Variants in KMT2A observed in about 807,000 individuals in gnomAD.
KMT2A encodes the protein histone-lysine N-methyltransferase 2A.
In KMT2A, 16 loss-of-function variants were observed where a neutral mutation model predicts 345.3. The ratio of observed to expected loss-of-function variants is 0.05; its 90% CI spans 0.03 to 0.07. KMT2A has a LOEUF of 0.07. KMT2A is among the 10% of genes least tolerant of loss of function. The pLI, the probability that KMT2A is intolerant of heterozygous loss-of-function variation, is 1.00. For missense variants in KMT2A, 3,272 were observed against 4,841.6 expected (o/e 0.68, Z 9.62); for synonymous variants, 1,599 against 1,778.6 (o/e 0.90, Z 2.54).
intron 8 of KMT2A, among the ~76,000 whole-genome samples, chr11:118,483,013 A>G (rs1045664517): frequency 2.0e-5 from 3 of 151,464 alleles, no homozygotes; most frequent in African/African-American, 4.9e-5. Flanking sequence ...CAGGCAGATC[A>G]CTTGAGGTCA....
Position 118,491,807 on chromosome 11 carries a change from C to G in KMT2A, c.4883C>G (p.Thr1628Ser), listed in dbSNP as rs782758324. ...GTGGCCTACACTTGTGTGAACTGTACTGAGCGGCACCCTGCAGAGTGGCGA... is the reference window on the plus strand; with the variant it reads ...GTGGCCTACACTTGTGTGAACTGTAGTGAGCGGCACCCTGCAGAGTGGCGA... Reference protein sequence around the residue: ...ESVAYTCVNCTERHPAEWRLA... With the variant: ...ESVAYTCVNCSERHPAEWRLA... The change falls in exon 15 of 36, where the codon ACT (threonine) becomes AGT (serine). Residue 1628 changes from threonine to serine, a missense_variant. Thr to Ser is a moderately conservative substitution (Grantham distance 58). Coordinates refer to ENST00000534358, the MANE Select transcript of KMT2A (RefSeq NM_001197104.2). This position sits in a 1 kb window ranked among gnomAD's most constrained non-coding sequence, Gnocchi z 4.2. 6.2e-7 allele frequency: 1 copy of G among 1,614,094 alleles called. No homozygotes were observed. Among genetic ancestry groups the G allele is most frequent in the South Asian group, 1.1e-5 (1 of 91,084 alleles).
Position 118,503,764 on chromosome 11 carries a change from C to T in KMT2A, c.7872C>T (p.Ala2624=), listed in dbSNP as rs113178411. Residue 2624 remains alanine, a synonymous_variant, in exon 27 of 36, where the codon GCC becomes GCT. Transcript: ENST00000534358. This position sits in a 1 kb window ranked among gnomAD's most constrained non-coding sequence, Gnocchi z 5.3. The part of the protein sequence containing the change: ...SFKRRYPRRS[A]RARSNMFFGL... ...AAAGGAGGTATCCCCGTCGCAGTGC[C>T]CGTGCACGTTCTAACATGTTTTTTG... is the stretch of plus-strand genomic sequence containing the variant. The T allele has an allele frequency of 4.3e-5, 69 of 1,614,168 alleles. No homozygotes were observed. Among genetic ancestry groups the T allele is most frequent in the Non-Finnish European group, 5.7e-5 (67 of 1,180,044 alleles).
intron 31 of KMT2A, among the ~76,000 whole-genome samples, chr11:118,518,119 C>A (rs1950863710): frequency 6.6e-6 from 1 of 152,138 alleles, no homozygotes; most frequent in South Asian, 2.1e-4. Flanking sequence ...AAAATTAACA[C>A]CATTACTGTT....
At chr11:118,462,109 A>G (rs1366049136) in intron 1 of KMT2A, among the ~76,000 whole-genome samples, 1 of 152,038 alleles carries the variant, frequency 6.6e-6, no homozygotes, top group African/African-American at 2.4e-5. Context: ...GCGTGCCACC[A>G]TAACTGGATA....
chr11:118,517,971 A>C (rs1354481557), intron 31 of KMT2A, among the ~76,000 whole-genome samples: 1 of 152,134 alleles, frequency 6.6e-6, no homozygotes, highest in Non-Finnish European at 1.5e-5. Context: ...TTCATCTGCT[A>C]TTTCCTCTGC....
intron 6 of KMT2A, 48 bp downstream of exon 6, chr11:118,480,286 G>A (rs1401245899): frequency 7.0e-7 from 1 of 1,428,904 alleles, no homozygotes; most frequent in Admixed American, 1.7e-5. Flanking sequence ...TGCTTAAATG[G>A]TGTATAGTTG....
chr11:118,507,692 C>A (rs1950609176), intron 28 of KMT2A, 83 bp downstream of exon 28: 3 of 1,097,526 alleles, frequency 2.7e-6, no homozygotes, highest in African/African-American at 3.1e-5. Context: ...AGGCCGGGCG[C>A]AGTGGCTCAC....
intron 3 of KMT2A, among the ~76,000 whole-genome samples, chr11:118,475,470 TC>T (rs1361869974): frequency 2.0e-5 from 3 of 152,190 alleles, no homozygotes; most frequent in African/African-American, 7.2e-5. Context: ...ACGCCTGTAA[TC>T]CCAGCACTTT....
intron 27 of KMT2A, 71 bp from the exon 28 acceptor site, chr11:118,507,458 G>A (rs1220988452): frequency 7.4e-7 from 1 of 1,347,466 alleles, no homozygotes; most frequent in Admixed American, 1.8e-5. Context: ...CATTTCTTTC[G>A]ACTCACCTCC....
At position 118,523,974 on chromosome 11, in the gene KMT2A, C is replaced by T. The variant is rs1455605479; in HGVS notation, c.*1802C>T. 4.9e-6 allele frequency: 1 copy of T among 203,718 alleles called. No individual in the cohort carries two copies. Among genetic ancestry groups the T allele is most frequent in the Non-Finnish European group, 1.0e-5 (1 of 99,412 alleles). 12.6% of individuals were successfully genotyped at this position (203,718 alleles called of 1,614,324 possible). On this transcript the variant is annotated 3_prime_UTR_variant, in exon 36 of 36. Coordinates refer to ENST00000534358, the MANE Select transcript of KMT2A (RefSeq NM_001197104.2). Reference sequence around the variant, plus strand: ...AGATTCTCTTCTTTCCCGCCTCTCTCCTTTCCGGCGCAACTTCCAGAGTGG... The same window carrying T: ...AGATTCTCTTCTTTCCCGCCTCTCTTCTTTCCGGCGCAACTTCCAGAGTGG...
At chr11:118,486,407 C>A (rs7932119) in intron 10 of KMT2A, among the ~76,000 whole-genome samples, 1 of 149,244 alleles carries the variant, frequency 6.7e-6, no homozygotes, top group Non-Finnish European at 1.5e-5. Context: ...GAGTTTTTTG[C>A]AGTATGTACC....
Position 118,473,877 on chromosome 11 carries a change from T to C in KMT2A, c.2718T>C (p.Tyr906=). ...AAATTCAGAGTAGTTCTGCTTTGTATCCTGTGGGTAGGGTTTCCAAAGAGA... is the reference window on the plus strand; with the variant it reads ...AAATTCAGAGTAGTTCTGCTTTGTACCCTGTGGGTAGGGTTTCCAAAGAGA... ...GSEIQSSSAL[Y]PVGRVSKEKV... Residue 906 remains tyrosine (Y), a synonymous_variant, in exon 3 of 36, where the codon TAT becomes TAC. Coordinates refer to ENST00000534358, the MANE Select transcript of KMT2A (RefSeq NM_001197104.2). This position sits in a 1 kb window ranked among gnomAD's most constrained non-coding sequence, Gnocchi z 5.2. The C allele has an allele frequency of 3.7e-6, 6 of 1,614,190 alleles. No homozygotes were observed. Among genetic ancestry groups the C allele is most frequent in the Non-Finnish European group, 5.1e-6 (6 of 1,180,032 alleles).
intron 8 of KMT2A, among the ~76,000 whole-genome samples, chr11:118,483,063 T>C (rs1276641057): frequency 6.6e-6 from 1 of 151,768 alleles, no homozygotes; most frequent in African/African-American, 2.4e-5. Flanking sequence ...TGAAACCCTG[T>C]CTCTACTGAA....
chr11:118,437,675 T>TCCCCCCC (rs145193113), intron 1 of KMT2A, among the ~76,000 whole-genome samples: 1 of 143,998 alleles, frequency 6.9e-6, no homozygotes, highest in African/African-American at 2.6e-5. Flanking sequence ...AGCAGTCTCT[T>TCCCCCCC]CCCCCCCCCG....
intron 27 of KMT2A, among the ~76,000 whole-genome samples, chr11:118,506,893 G>T (rs1950594746): frequency 6.6e-6 from 1 of 152,184 alleles, no homozygotes; most frequent in African/African-American, 2.4e-5. Flanking sequence ...TTCAAACAGT[G>T]TTGCTGTTTG....
rs374190903 is a variant in KMT2A at position 118,476,915 on chromosome 11, C to T, written c.3267C>T (p.Asp1089=). 1.2e-6 allele frequency: 2 copies of T among 1,614,062 alleles called. No homozygotes were observed. The highest frequency in any genetic ancestry group is 1.7e-6 in the Non-Finnish European group (2 of 1,180,030). ...GAAAACGAGCTGTGTTTCCTGATGA[C>T]ATGCCCACCCTGAGTGCCTTACCAT... is the stretch of plus-strand genomic sequence containing the variant. ...LGRKRAVFPD[D]MPTLSALPWE... The change falls in exon 4 of 36, where the codon GAC becomes GAT. Residue 1089 remains aspartate, a synonymous_variant. Coordinates refer to ENST00000534358, the MANE Select transcript of KMT2A (RefSeq NM_001197104.2). The surrounding 1 kb of genome is among the most constrained non-coding windows in gnomAD (Gnocchi z 4.1).
chr11:118,517,425 A>C (rs1181548514), intron 31 of KMT2A, among the ~76,000 whole-genome samples: 1 of 151,800 alleles, frequency 6.6e-6, no homozygotes, highest in Non-Finnish European at 1.5e-5. Context: ...AAAGAAAAGA[A>C]AAAAGAGTTT....
At chr11:118,449,003 G>A (rs1486854906) in intron 1 of KMT2A, 1 of 152,066 alleles carries the variant, frequency 6.6e-6, no homozygotes, top group Admixed American at 6.6e-5. Flanking sequence ...TTCAGAAAAC[G>A]GGATTATAAA....
At position 118,472,353 on chromosome 11, in the gene KMT2A, G is replaced by C; in HGVS notation, c.1194G>C (p.Lys398Asn). 6.2e-7 allele frequency: 1 copy of C among 1,614,044 alleles called. No individual in the cohort carries two copies. Among genetic ancestry groups the C allele is most frequent in the Middle Eastern group, 1.6e-4 (1 of 6,062 alleles). Reference protein sequence around the residue: ...EKEAAQLQGRKVKTQVKNIRQ... With the variant: ...EKEAAQLQGRNVKTQVKNIRQ... ...AAGCAGCTCAGCTGCAGGGAAGAAA[G>C]GTGAAGACACAGGTCAAAAATATTC... Residue 398 changes from lysine to asparagine, a missense_variant, in exon 3 of 36, where the codon AAG (lysine) becomes AAC (asparagine). Coordinates refer to ENST00000534358, the MANE Select transcript of KMT2A (RefSeq NM_001197104.2).
Sources: allele counts gnomAD v4.1 joint callset (sites outside exome capture counted in the v4.1 genomes callset), GRCh38; gene constraint gnomAD v4.1.1; non-coding constraint Gnocchi (gnomAD v3.1); transcripts MANE v1.5; gene names NCBI Gene and HGNC (gene_info 2026-07-23, HGNC 2026-07-21).